The following DHX8 variants were observed in gnomAD, a reference collection of about 807,000 sequenced individuals.
DHX8 encodes the protein ATP-dependent RNA helicase DHX8.
Under a neutral mutation model 140.7 loss-of-function variants are expected in DHX8, and 67 were observed. The ratio of observed to expected loss-of-function variants is 0.48; its 90% CI spans 0.39 to 0.58. DHX8 has a LOEUF of 0.58. DHX8 is among the 20% of genes least tolerant of loss of function. The probability of loss-of-function intolerance (pLI) is 0.00; values close to 1 mark genes in which losing one functional copy is unlikely to be tolerated. For synonymous variants in DHX8, 533 were observed against 553.2 expected, an observed-to-expected ratio of 0.96 and a Z score of 0.51; for missense variants, 887 against 1,550.7, an observed-to-expected ratio of 0.57 and a Z score of 7.19.
At chr17:43,492,380 T>C (rs1968573202) in intron 5 of DHX8, 88 bp downstream of exon 5, 1 of 992,710 alleles carries the variant, frequency 1.0e-6, no homozygotes, top group African/African-American at 1.6e-5. Context: ...TTTGGGCAAG[T>C]TTACAGAATC....
Position 43,521,354 on chromosome 17 carries a change from C to G in DHX8, c.3067-15C>G. On this transcript the variant is annotated splice_polypyrimidine_tract_variant and intron_variant, in intron 20 of 22. Coordinates refer to ENST00000262415, the MANE Select transcript of DHX8 (RefSeq NM_004941.3). Reference sequence around the variant, plus strand: ...TGTTGAGTCGGAAATGTTCCTCTGTCCCACTGCTTGGCAGGATAAACAAGC... The same window carrying G: ...TGTTGAGTCGGAAATGTTCCTCTGTGCCACTGCTTGGCAGGATAAACAAGC... 11 of 1,602,500 alleles carry G rather than the reference C, an allele frequency of 6.9e-6. No individual in the cohort carries two copies. Among genetic ancestry groups the G allele is most frequent in the Non-Finnish European group, 9.4e-6 (11 of 1,173,114 alleles).
At chr17:43,489,197 G>T (rs552620231) in intron 1 of DHX8, among the ~76,000 whole-genome samples, 2 of 152,008 alleles carry the variant, frequency 1.3e-5, no homozygotes, top group African/African-American at 2.4e-5. Flanking sequence ...TAGAGACGGG[G>T]TTTCACTGTG....
chr17:43,502,109 T>C (rs1784893784), intron 11 of DHX8, among the ~76,000 whole-genome samples: 1 of 152,188 alleles, frequency 6.6e-6, no homozygotes, highest in African/African-American at 2.4e-5. Context: ...GTTTTGGACT[T>C]GTGTCCGAGG....
rs925255218 is a variant in DHX8, at chr17:43,508,027, G to A, written c.2320+8G>A. 2 of 1,611,266 alleles carry A rather than the reference G, an allele frequency of 1.2e-6. No homozygotes were observed. The highest frequency in any genetic ancestry group is 1.7e-6 in the Non-Finnish European group (2 of 1,178,950). On this transcript the variant is annotated splice_region_variant and intron_variant, in intron 15 of 22. Coordinates refer to ENST00000262415, the MANE Select transcript of DHX8 (RefSeq NM_004941.3). ...ATTTAACAGAACCACCAGGTAAGGG[G>A]AAAAAGCAATTTTCCTTTTTGGGAG...
At chr17:43,543,692 G>T (rs1971644045) in intron 3 of DHX8, among the ~76,000 whole-genome samples, 1 of 152,220 alleles carries the variant, frequency 6.6e-6, no homozygotes, top group Non-Finnish European at 1.5e-5. Context: ...GTAAATTGGA[G>T]CTGGGCATGC....
At chr17:43,529,699 G>A, downstream of DHX8, 1 of 1,599,946 alleles carries the variant, frequency 6.3e-7, no homozygotes, top group Non-Finnish European at 8.5e-7. Context: ...AAAATAGGAG[G>A]TGTGGGGTTT....
chr17:43,527,826 A>G (rs1225486389), downstream of DHX8: 3 of 225,970 alleles, frequency 1.3e-5, no homozygotes, highest in Non-Finnish European at 2.6e-5. Context: ...ATGGCAGCAA[A>G]GAGGACACAG....
At chr17:43,485,838 T>C (rs370884950) in intron 1 of DHX8, among the ~76,000 whole-genome samples, 3 of 152,348 alleles carry the variant, frequency 2.0e-5, no homozygotes, top group South Asian at 2.1e-4. Flanking sequence ...CTCAATTAAT[T>C]TGCAGAAAAC....
chr17:43,496,081 G>A (rs1968840476), intron 8 of DHX8, 100 bp from the exon 9 acceptor site: 1 of 855,874 alleles, frequency 1.2e-6, no homozygotes, highest in Non-Finnish European at 1.9e-6. Context: ...CTGGGTGACA[G>A]AGCAAGATCC....
chr17:43,493,167 T>C, intron 6 of DHX8, 127 bp downstream of exon 6: 3 of 1,326,396 alleles, frequency 2.3e-6, no homozygotes, highest in Non-Finnish European at 3.1e-6. Context: ...TACATGGTTC[T>C]TAGAAATTGA....
rs781018106 is a variant in DHX8, at chr17:43,523,661, G to A, written c.3477G>A (p.Lys1159=). 1.9e-6 allele frequency: 3 copies of A among 1,614,194 alleles called. No homozygotes were observed. Among genetic ancestry groups the A allele is most frequent in the Non-Finnish European group, 2.5e-6 (3 of 1,180,034 alleles). Residue 1159 remains lysine (K), a synonymous_variant, in exon 23 of 23, where the codon AAG becomes AAA. Transcript: ENST00000262415. ...VVYHELVLTT[K]EYMREVTTID... is the part of the protein sequence containing the mutation. ...ACCATGAGCTGGTGCTCACCACCAAGGAATACATGCGTGAAGTTACCACCA... is the reference window on the plus strand; with the variant it reads ...ACCATGAGCTGGTGCTCACCACCAAAGAATACATGCGTGAAGTTACCACCA...
intron 16 of DHX8, 94 bp from the exon 17 acceptor site, chr17:43,513,268 T>C (rs1969941521): frequency 6.5e-6 from 9 of 1,377,044 alleles, no homozygotes; most frequent in East Asian, 2.4e-5. Flanking sequence ...TAGCCACATA[T>C]TCCTTTGGGA....
intron 1 of DHX8, among the ~76,000 whole-genome samples, chr17:43,488,570 C>T (rs905069945): frequency 2.6e-5 from 4 of 151,562 alleles, no homozygotes; most frequent in African/African-American, 4.8e-5. Flanking sequence ...GATATCGCAC[C>T]GCTGCACTCC....
At chr17:43,533,878 C>G in intron 2 of DHX8, 1 of 1,605,148 alleles carries the variant, frequency 6.2e-7, no homozygotes, top group Non-Finnish European at 8.5e-7. Flanking sequence ...AGGCACTGCT[C>G]GCCATGGTGG....
rs76228119 is a variant in DHX8 at position 43,522,448 on chromosome 17, G to A, written c.3443+222G>A. Among the ~76,000 whole-genome samples, 1,134 of 152,066 alleles carry A rather than the reference G, an allele frequency of 7.5e-3. 5 individuals are homozygous for A. The highest frequency in any genetic ancestry group is 0.013 in the Non-Finnish European group (851 of 67,966). ...GACCTAGTTGAAAAAAAAAATTGTG[G>A]TTTAAAAAACTACGTAGTGGCCAGG... On this transcript the variant is annotated intron_variant, in intron 22 of 22. Transcript: ENST00000262415.
chr17:43,491,225 G>A lies in DHX8; in HGVS notation c.368G>A (p.Cys123Tyr). The change falls in exon 4 of 23, where the codon TGC (cysteine) becomes TAC (tyrosine). Residue 123 changes from cysteine (C) to tyrosine (Y), a missense_variant. Physicochemically the swap from Cys to Tyr is radical, Grantham distance 194. This residue lies in a region of DHX8 where 304 missense variants were observed against 306.9 expected (regional missense o/e 0.99). Coordinates refer to ENST00000262415, the MANE Select transcript of DHX8 (RefSeq NM_004941.3). ...EKLKELFPVL[C>Y]QPDNPSVRTM... ...CTGAAGGAACTCTTCCCAGTCCTTTGCCAACCGGACAACCCTTCTGTTCGG... is the reference window on the plus strand; with the variant it reads ...CTGAAGGAACTCTTCCCAGTCCTTTACCAACCGGACAACCCTTCTGTTCGG... 1.3e-6 allele frequency: 2 copies of A among 1,535,650 alleles called. No homozygotes were observed. Among genetic ancestry groups the A allele is most frequent in the Admixed American group, 2.0e-5 (1 of 50,018 alleles).
intron 21 of DHX8, 121 bp from the exon 22 acceptor site, chr17:43,521,926 C>A: frequency 9.8e-7 from 1 of 1,019,706 alleles, no homozygotes; most frequent in Non-Finnish European, 1.5e-6. Flanking sequence ...ACACTTAGGG[C>A]TGGAAGGAAG....
chr17:43,541,036 CG>C lies in DHX8; in HGVS notation c.*21-3123del, dbSNP rs1206032662. On this transcript the variant is annotated intron_variant, in intron 3 of 3. Transcript: ENST00000589898. ...CATCATCTTGCCTTTCTTCCTGCCT[CG>C]GGCCTGACAGTTTAACCAGGGACCC... is the stretch of plus-strand genomic sequence containing the variant. Among the ~76,000 whole-genome samples, 3 of 152,264 alleles carry C rather than the reference CG, an allele frequency of 2.0e-5. No homozygotes were observed. In the East Asian group the frequency reaches 5.8e-4, roughly 29 times the overall value.
Position 43,522,170 on chromosome 17 carries a change from C to A in DHX8, c.3387C>A (p.Asp1129Glu). The change falls in exon 22 of 23, where the codon GAC becomes GAA. Residue 1129 changes from aspartate to glutamate, a missense_variant. Asp to Glu is a conservative substitution (Grantham distance 45). Transcript: ENST00000262415. Reference protein sequence around the residue: ...DPQEGYRTLIDQQVVYIHPSS... With the variant: ...DPQEGYRTLIEQQVVYIHPSS... ...AGGAGGGTTACCGGACACTGATCGA[C>A]CAGCAGGTGGTCTATATCCATCCTT... 1 of 1,614,058 alleles carries A rather than the reference C, an allele frequency of 6.2e-7. No homozygotes were observed. Among genetic ancestry groups the A allele is most frequent in the Non-Finnish European group, 8.5e-7 (1 of 1,179,988 alleles).
Sources: gnomAD v4.1 joint callset for allele counts (sites outside exome capture counted in the v4.1 genomes callset) on GRCh38, gnomAD v4.1.1 for gene constraint, gnomAD v4.1.1 regional missense constraint, MANE v1.5 for transcripts, NCBI Gene and HGNC (gene_info 2026-07-23, HGNC 2026-07-21) for gene names.